ZFHX2: variants seen among roughly 807,000 people sequenced by gnomAD.
ZFHX2 encodes zinc finger homeobox protein 2.
ZFHX2 carries 75 observed loss-of-function variants against 164.8 expected under a neutral mutation model. The ratio of observed to expected loss-of-function variants is 0.46; its 90% CI spans 0.38 to 0.55. The LOEUF (loss-of-function observed/expected upper bound fraction) is 0.55. Among genes scored for constraint, ZFHX2 ranks in the 20% least tolerant of loss-of-function variants. The pLI, the probability that ZFHX2 is intolerant of heterozygous loss-of-function variation, is 0.00. For missense variants in ZFHX2, 2,933 were observed against 3,308.0 expected (o/e 0.89, Z 2.78); for synonymous variants, 1,217 against 1,351.4 (o/e 0.90, Z 2.18).
In ZFHX2 at chr14:23,525,173, A is replaced by G; in HGVS notation, c.4769T>C (p.Leu1590Pro). ...EESSRGNLPP[L>P]VPAGRRFSRT... ...GGAGAACCGGCGGCCGGCAGGCACC[A>G]GGGGAGGAAGATTCCCTCTGGAGCT... Residue 1590 changes from leucine (L) to proline (P), a missense_variant, in exon 9 of 10, where the codon CTG becomes CCG. Coordinates refer to ENST00000419474, the MANE Select transcript of ZFHX2 (RefSeq NM_033400.3). The surrounding 1 kb of genome is among the most constrained non-coding windows in gnomAD (Gnocchi z 5.9). The G allele has an allele frequency of 1.3e-6, 2 of 1,536,152 alleles. No homozygotes were observed. The highest frequency in any genetic ancestry group is 1.7e-6 in the Non-Finnish European group (2 of 1,146,922).
intron 1 of ZFHX2, among the ~76,000 whole-genome samples, chr14:23,539,613 A>G (rs1880575646): frequency 6.6e-6 from 1 of 152,150 alleles, no homozygotes; most frequent in Admixed American, 6.5e-5. Context: ...AAAGGAGAGA[A>G]TCTGCCCCTC....
At position 23,523,815 on chromosome 14, in the gene ZFHX2, A is replaced by C; in HGVS notation, c.6127T>G (p.Ser2043Ala). The stretch of plus-strand genomic sequence containing the variant: ...CCACTGGTCCCTCCAGCCCCAGGGG[A>C]TTCTGGTTCAGCTAGGCTGGAAGCA... Reference protein sequence around the residue: ...SSASSLAEPESPGAGGTSGGP... With the variant: ...SSASSLAEPEAPGAGGTSGGP... Residue 2043 changes from serine (S) to alanine (A), a missense_variant, in exon 9 of 10, where the codon TCC becomes GCC. Coordinates refer to ENST00000419474, the MANE Select transcript of ZFHX2 (RefSeq NM_033400.3). The surrounding 1 kb of genome is among the most constrained non-coding windows in gnomAD (Gnocchi z 4.1). 1.3e-6 allele frequency: 2 copies of C among 1,536,098 alleles called. No individual in the cohort carries two copies. The highest frequency in any genetic ancestry group is 1.7e-6 in the Non-Finnish European group (2 of 1,146,890).
chr14:23,524,988 T>G lies in ZFHX2; in HGVS notation c.4954A>C (p.Lys1652Gln). 6.5e-7 allele frequency: 1 copy of G among 1,536,230 alleles called. No homozygotes were observed. Among genetic ancestry groups the G allele is most frequent in the Non-Finnish European group, 8.7e-7 (1 of 1,146,926 alleles). ...WFQNARQKAR[K>Q]NACEGGSMPT... ...ATGGACCCACCCTCACAGGCATTTT[T>G]GCGTGCTTTCTGGCGGGCATTCTGG... Residue 1652 changes from lysine to glutamine, a missense_variant, in exon 9 of 10, where the codon AAA (lysine) becomes CAA (glutamine). By Grantham distance (53) the Lys-to-Gln change is moderately conservative (BLOSUM62 1). Transcript: ENST00000419474. The surrounding 1 kb of genome is among the most constrained non-coding windows in gnomAD (Gnocchi z 5.6).
In ZFHX2 at chr14:23,521,296, T is replaced by C. The variant is rs891625191; in HGVS notation, c.*666A>G. On this transcript the variant is annotated 3_prime_UTR_variant, in exon 10 of 10. Transcript: ENST00000419474. ...AGGAAGAGTGAACCAGAAGCACTTC[T>C]CCCATGCCAGCCTCCAGTTTGGTTA... The C allele has an allele frequency of 6.6e-5, 10 of 152,464 alleles. No homozygotes were observed. The highest frequency in any genetic ancestry group is 2.4e-4 in the African/African-American group (10 of 41,420). The allele number at this position is 152,464 out of a possible 1,614,324, so 9.4% of individuals were successfully genotyped here.
chr14:23,525,835 G>C lies in ZFHX2; in HGVS notation c.4107C>G (p.Leu1369=). 6.9e-7 allele frequency: 1 copy of C among 1,456,552 alleles called. No homozygotes were observed. The highest frequency in any genetic ancestry group is 9.0e-7 in the Non-Finnish European group (1 of 1,110,244). 90.2% of individuals were successfully genotyped at this position (1,456,552 alleles called of 1,614,324 possible). ...QQQQLLLPFY[L]HDLKVGPKLT... is the part of the protein sequence containing the mutation. ...GCTTGGGCCCCACCTTGAGATCGTG[G>C]AGGTAGAAGGGCAGGAGCAGCTGCT... Residue 1369 remains leucine (L), a synonymous_variant, in exon 9 of 10, where the codon CTC becomes CTG. Coordinates refer to ENST00000419474, the MANE Select transcript of ZFHX2 (RefSeq NM_033400.3). This position sits in a 1 kb window ranked among gnomAD's most constrained non-coding sequence, Gnocchi z 5.9.
chr14:23,553,750 CGGGCATGGTGGT>C (rs1350077525), upstream of ZFHX2, among the ~76,000 whole-genome samples: 5 of 148,752 alleles, frequency 3.4e-5, no homozygotes, highest in African/African-American at 1.2e-4. Flanking sequence ...AAAAATTAGC[CGGGCATGGTGGT>C]GGGCACCTGT....
chr14:23,528,108 C>T (rs1879016327), intron 6 of ZFHX2, among the ~76,000 whole-genome samples: 1 of 152,042 alleles, frequency 6.6e-6, no homozygotes, highest in African/African-American at 2.4e-5. Flanking sequence ...AGGGTTTTGC[C>T]ACATTGGCCA....
At chr14:23,541,351 C>T (rs1274502961) in intron 1 of ZFHX2, among the ~76,000 whole-genome samples, 3 of 147,800 alleles carry the variant, frequency 2.0e-5, no homozygotes, top group East Asian at 4.0e-4. Flanking sequence ...TACAATGGTG[C>T]GATCTTGGCT....
upstream of ZFHX2, chr14:23,555,921 A>C (rs1166798342): frequency 2.6e-5 from 4 of 152,254 alleles, no homozygotes; most frequent in Admixed American, 1.3e-4. Context: ...CACCAAGTGC[A>C]GCTTTCCTGT....
chr14:23,547,436 A>T (rs1233221125), intron 1 of ZFHX2, among the ~76,000 whole-genome samples: 2 of 152,148 alleles, frequency 1.3e-5, no homozygotes, highest in Non-Finnish European at 2.9e-5. Context: ...CACATTTGCC[A>T]ACTCTCTCTT....
chr14:23,531,196 A>C, intron 4 of ZFHX2: 1 of 301,238 alleles, frequency 3.3e-6, no homozygotes. Context: ...CCAGGACACT[A>C]GTCACTACTC....
upstream of ZFHX2, among the ~76,000 whole-genome samples, chr14:23,552,617 T>C (rs1882061078): frequency 6.6e-6 from 1 of 150,510 alleles, no homozygotes; most frequent in African/African-American, 2.4e-5. Context: ...GTTTGTTTTT[T>C]TCTTGAGACA....
At position 23,541,295 on chromosome 14, in the gene ZFHX2, T is replaced by C. The variant is rs1595179576; in HGVS notation, c.-49-5921A>G. ...AATCTTAGATGGACAGGATTTTTTT[T>C]TTTTTTTTTTGAGACGGAGTTTCGC... On this transcript the variant is annotated intron_variant, in intron 1 of 9. Coordinates refer to ENST00000419474, the MANE Select transcript of ZFHX2 (RefSeq NM_033400.3). Among the ~76,000 whole-genome samples, 4 of 151,566 alleles carry C rather than the reference T, an allele frequency of 2.6e-5. No homozygotes were observed. The South Asian group carries it at 8.3e-4, about 32-fold the overall frequency.
chr14:23,523,448 A>G lies in ZFHX2; in HGVS notation c.6494T>C (p.Leu2165Pro). The G allele has an allele frequency of 6.5e-7, 1 of 1,535,742 alleles. No homozygotes were observed. Among genetic ancestry groups the G allele is most frequent in the Non-Finnish European group, 8.7e-7 (1 of 1,146,644 alleles). ...YDFYVSCRGH[L>P]FSRQHLAKLK... ...CTTGGCCAGGTGCTGACGGGAAAAG[A>G]GATGGCCTCGGCAGGAGACATAGAA... Residue 2165 changes from leucine to proline, a missense_variant, in exon 9 of 10, where the codon CTC (leucine) becomes CCC (proline). Transcript: ENST00000419474. This position sits in a 1 kb window ranked among gnomAD's most constrained non-coding sequence, Gnocchi z 4.1.
rs919917863 is a variant in ZFHX2, at chr14:23,524,323, G to A, written c.5619C>T (p.Tyr1873=). The stretch of plus-strand genomic sequence containing the variant: ...GGTTGGAATCCTGCATGTACCAACG[G>A]TACAGGATCTCTAGCTGCTCAGGCA... ...TILPEQLEIL[Y]RWYMQDSNPT... Residue 1873 remains tyrosine, a synonymous_variant, in exon 9 of 10, where the codon TAC becomes TAT. Transcript: ENST00000419474. This position sits in a 1 kb window ranked among gnomAD's most constrained non-coding sequence, Gnocchi z 5.6. The A allele has an allele frequency of 3.9e-6, 6 of 1,536,334 alleles. No individual in the cohort carries two copies. The highest frequency in any genetic ancestry group is 5.2e-6 in the Non-Finnish European group (6 of 1,146,940).
chr14:23,526,059 G>A lies in ZFHX2; in HGVS notation c.3883C>T (p.Pro1295Ser), dbSNP rs1158781292. The A allele has an allele frequency of 3.3e-6, 5 of 1,536,394 alleles. No individual in the cohort carries two copies. In the South Asian group the frequency reaches 5.9e-5, roughly 18 times the overall value. Residue 1295 changes from proline (P) to serine (S), a missense_variant, in exon 9 of 10, where the codon CCC becomes TCC. Coordinates refer to ENST00000419474, the MANE Select transcript of ZFHX2 (RefSeq NM_033400.3). ...TCCCCCTCTGTCTCGCCTTCCTTGG[G>A]CTCTTCTTGGCTGCGTTCTGGCCCT... Reference protein sequence around the residue: ...IEGPERSQEEPKEGETEGEVG... With the variant: ...IEGPERSQEESKEGETEGEVG...
chr14:23,533,379 G>C lies in ZFHX2; in HGVS notation c.1947C>G (p.Gly649=), dbSNP rs546120703. ...GGGGCTTGTCTGGCCTCAGCCCCGGGCCAGCCAAGGGAGTCTGAGGCTGCC... is the reference window on the plus strand; with the variant it reads ...GGGGCTTGTCTGGCCTCAGCCCCGGCCCAGCCAAGGGAGTCTGAGGCTGCC... ...ALGQPQTPLA[G]PGLRPDKPLE... Residue 649 remains glycine, a synonymous_variant, in exon 2 of 10, where the codon GGC becomes GGG. Transcript: ENST00000419474. The surrounding 1 kb of genome is among the most constrained non-coding windows in gnomAD (Gnocchi z 4.8). The C allele has an allele frequency of 3.4e-6, 5 of 1,458,126 alleles. No individual in the cohort carries two copies. Among genetic ancestry groups the C allele is most frequent in the Admixed American group, 2.5e-5 (1 of 39,256 alleles). 90.3% of individuals were successfully genotyped at this position (1,458,126 alleles called of 1,614,324 possible). A position where few individuals can be genotyped will look rare whatever the true frequency, so the allele number is the denominator to read the frequency against.
chr14:23,535,220 G>A lies in ZFHX2; in HGVS notation c.106C>T (p.Pro36Ser), dbSNP rs12883747. 6.6e-7 allele frequency: 1 copy of A among 1,526,038 alleles called. No homozygotes were observed. 94.5% of individuals were successfully genotyped at this position (1,526,038 alleles called of 1,614,324 possible). A position where few individuals can be genotyped will look rare whatever the true frequency, so the allele number is the denominator to read the frequency against. Reference sequence around the variant, plus strand: ...GCAGCAGGGGGATCTTTGGTGACAGGATCAGAGGGGGTGCTGGAGGAGAAG... The same window carrying A: ...GCAGCAGGGGGATCTTTGGTGACAGAATCAGAGGGGGTGCTGGAGGAGAAG... Reference protein sequence around the residue: ...DTFSSSTPSDPVTKDPPAASS... With the variant: ...DTFSSSTPSDSVTKDPPAASS... Residue 36 changes from proline to serine, a missense_variant, in exon 2 of 10, where the codon CCT (proline) becomes TCT (serine). Physicochemically the swap from Pro to Ser is moderately conservative, Grantham distance 74. Coordinates refer to ENST00000419474, the MANE Select transcript of ZFHX2 (RefSeq NM_033400.3). This position sits in a 1 kb window ranked among gnomAD's most constrained non-coding sequence, Gnocchi z 4.5.
rs1426076749 is a variant in ZFHX2 at position 23,523,391 on chromosome 14, CTCT to C, written c.6548_6550del (p.Lys2183del). 17 of 1,505,756 alleles carry C rather than the reference CTCT, an allele frequency of 1.1e-5. No homozygotes were observed. In the Admixed American group the frequency reaches 3.1e-4, roughly 28 times the overall value. 93.3% of individuals were successfully genotyped at this position (1,505,756 alleles called of 1,614,324 possible). A position where few individuals can be genotyped will look rare whatever the true frequency, so the allele number is the denominator to read the frequency against. On this transcript the variant is annotated inframe_deletion, in exon 9 of 10. Transcript: ENST00000419474. The surrounding 1 kb of genome is among the most constrained non-coding windows in gnomAD (Gnocchi z 4.1). ...GGCCAAGTCGTAGCACTTGCTTTCACTCTTCAGCTGGGCTCGAACCGCCTCCTT... is the reference window on the plus strand; with the variant it reads ...GGCCAAGTCGTAGCACTTGCTTTCACTCAGCTGGGCTCGAACCGCCTCCTT...
Sources: gnomAD v4.1 joint callset for allele counts (sites outside exome capture counted in the v4.1 genomes callset) on GRCh38, gnomAD v4.1.1 for gene constraint, Gnocchi (gnomAD v3.1) non-coding constraint, MANE v1.5 for transcripts, NCBI Gene and HGNC (gene_info 2026-07-23, HGNC 2026-07-21) for gene names.